OPCML: variants seen among roughly 807,000 people sequenced by gnomAD.
The protein encoded by OPCML is opioid binding protein/cell adhesion molecule like.
A neutral mutation model predicts 37.8 loss-of-function variants in OPCML; 13 were observed. The ratio of observed to expected loss-of-function variants is 0.34; its 90% CI spans 0.22 to 0.55. The LOEUF (loss-of-function observed/expected upper bound fraction) is 0.55. Ranked by LOEUF, OPCML falls within the 20% of genes least tolerant of loss-of-function variation. The pLI is 0.91. For missense variants in OPCML, 341 were observed against 435.6 expected (o/e 0.78, Z 1.93); for synonymous variants, 176 against 168.8 (o/e 1.04, Z -0.33).
intron 3 of OPCML, among the ~76,000 whole-genome samples, chr11:132,628,174 C>T (rs538035278): frequency 6.6e-6 from 1 of 151,962 alleles, no homozygotes; most frequent in Non-Finnish European, 1.5e-5. Context: ...ATGGTGTTAC[C>T]TTGGCGTAAG....
intron 1 of OPCML, among the ~76,000 whole-genome samples, chr11:133,289,646 A>G (rs1404685081): frequency 6.6e-6 from 1 of 151,442 alleles, no homozygotes; most frequent in Admixed American, 6.6e-5. Context: ...CGCTATTCCC[A>G]TCAGTACGGT....
chr11:133,484,117 GAT>G (rs201404090), intron 1 of OPCML, among the ~76,000 whole-genome samples: 1 of 110,868 alleles, frequency 9.0e-6, no homozygotes, highest in Non-Finnish European at 1.8e-5. Context: ...ATAGATGATA[GAT>G]AGATGATTGA....
At chr11:132,665,646 A>G (rs972632556) in intron 2 of OPCML, among the ~76,000 whole-genome samples, 1 of 152,166 alleles carries the variant, frequency 6.6e-6, no homozygotes, top group East Asian at 1.9e-4. Flanking sequence ...TATAAAAAGT[A>G]AGGGTGAGCA....
intron 1 of OPCML, among the ~76,000 whole-genome samples, chr11:133,293,855 A>T (rs1942549886): frequency 6.7e-6 from 1 of 149,772 alleles, no homozygotes; most frequent in African/African-American, 2.5e-5. Flanking sequence ...CTCTTTGAGC[A>T]TATTACCCTT....
At chr11:132,944,764 C>T (rs1031495868) in intron 1 of OPCML, among the ~76,000 whole-genome samples, 2 of 152,166 alleles carry the variant, frequency 1.3e-5, no homozygotes, top group Admixed American at 1.3e-4. Flanking sequence ...CCCCAGAGCT[C>T]CGCTTCCCTT....
At chr11:133,110,011 C>T (rs1332941010) in intron 1 of OPCML, among the ~76,000 whole-genome samples, 6 of 152,090 alleles carry the variant, frequency 3.9e-5, no homozygotes, top group East Asian at 1.9e-4. Context: ...CATTTTTGTT[C>T]GACAGGACTT....
chr11:133,214,227 T>C (rs925372195), intron 1 of OPCML, among the ~76,000 whole-genome samples: 1 of 152,236 alleles, frequency 6.6e-6, no homozygotes, highest in Non-Finnish European at 1.5e-5. Context: ...AAGGTTTTTT[T>C]AAATTCACAT....
chr11:132,732,742 G>A (rs1214100523), intron 2 of OPCML, among the ~76,000 whole-genome samples: 2 of 152,166 alleles, frequency 1.3e-5, no homozygotes, highest in African/African-American at 4.8e-5. Context: ...GAAAGCAGGA[G>A]ACAGAGAACA....
At chr11:132,806,527 G>A (rs1226234966) in intron 2 of OPCML, among the ~76,000 whole-genome samples, 1 of 152,084 alleles carries the variant, frequency 6.6e-6, no homozygotes, top group Non-Finnish European at 1.5e-5. Flanking sequence ...AATAGTGCAT[G>A]ATAAAAGAGC....
chr11:132,725,534 G>C (rs560152541), intron 2 of OPCML, among the ~76,000 whole-genome samples: 3 of 152,132 alleles, frequency 2.0e-5, no homozygotes, highest in African/African-American at 7.2e-5. Context: ...TCGACTCCTT[G>C]TTACTTATGC....
At position 132,784,453 on chromosome 11, in the gene OPCML, C is replaced by T. The variant is rs149605513; in HGVS notation, c.147-127134G>A. ...CTCTTTCCATTATAAAGCCCTTCCACTCCTCTGCCTGCCTTTGAGTCTCTG... is the reference window on the plus strand; with the variant it reads ...CTCTTTCCATTATAAAGCCCTTCCATTCCTCTGCCTGCCTTTGAGTCTCTG... On this transcript the variant is annotated intron_variant, in intron 2 of 7. Transcript: ENST00000524381. 5.3e-4 allele frequency among the ~76,000 whole-genome samples: 81 copies of T among 152,274 alleles called. 1 individual carries two copies. Among genetic ancestry groups the T allele is most frequent in the African/African-American group, 1.8e-3 (74 of 41,560 alleles).
Position 132,420,016 on chromosome 11 carries a change from CACT to C in OPCML, c.*174_*176del. ...ACCCTGCCCACCCCGCCCCCAACCC[CACT>C]CATTCAAGCTGGAAATAAAAGCAAA... On this transcript the variant is annotated 3_prime_UTR_variant, in exon 8 of 8. Transcript: ENST00000524381. The C allele has an allele frequency of 2.0e-6, 1 of 493,578 alleles. No individual in the cohort carries two copies. The highest frequency in any genetic ancestry group is 3.7e-6 in the Non-Finnish European group (1 of 272,668). 30.6% of individuals were successfully genotyped at this position (493,578 alleles called of 1,614,324 possible). A position where few individuals can be genotyped will look rare whatever the true frequency, so the allele number is the denominator to read the frequency against.
chr11:132,664,497 A>G (rs1054385981), intron 2 of OPCML, among the ~76,000 whole-genome samples: 1 of 152,192 alleles, frequency 6.6e-6, no homozygotes, highest in East Asian at 1.9e-4. Context: ...TTGAGAGTTA[A>G]TTGAATTTTT....
intron 1 of OPCML, among the ~76,000 whole-genome samples, chr11:133,037,051 A>C (rs1285754198): frequency 1.3e-5 from 2 of 152,106 alleles, no homozygotes; most frequent in Non-Finnish European, 2.9e-5. Context: ...GCCTGACCAC[A>C]CTGTATGGTC....
At chr11:133,082,943 G>A (rs562152560) in intron 1 of OPCML, among the ~76,000 whole-genome samples, 4 of 150,580 alleles carry the variant, frequency 2.7e-5, no homozygotes, top group African/African-American at 7.3e-5. Context: ...CGGACGTCGC[G>A]CCAGTGCCTC....
chr11:133,217,246 T>G (rs1243981192), intron 1 of OPCML, among the ~76,000 whole-genome samples: 1 of 152,208 alleles, frequency 6.6e-6, no homozygotes, highest in African/African-American at 2.4e-5. Context: ...CCTGGTCTGA[T>G]GCTCCAGTGC....
intron 1 of OPCML, among the ~76,000 whole-genome samples, chr11:133,042,285 A>G (rs1281581537): frequency 1.3e-5 from 2 of 152,210 alleles, no homozygotes; most frequent in African/African-American, 2.4e-5. Flanking sequence ...CTGGGAGCCT[A>G]ATGGATAGTA....
chr11:132,652,761 CCTTTCCTCCATGACTGTCCT>C (rs1941495007), intron 3 of OPCML, among the ~76,000 whole-genome samples: 2 of 152,190 alleles, frequency 1.3e-5, no homozygotes, highest in African/African-American at 4.8e-5. Flanking sequence ...CCCTCAGGGA[CCTTTCCTCCATGACTGTCCT>C]CTCCGAGTCA....
chr11:132,906,456 G>A (rs1289852930), intron 2 of OPCML, among the ~76,000 whole-genome samples: 1 of 152,286 alleles, frequency 6.6e-6, no homozygotes, highest in Non-Finnish European at 1.5e-5. Context: ...TTTTCTGGGG[G>A]ATCTCTGTGC....
Sources: gnomAD v4.1 joint callset for allele counts (sites outside exome capture counted in the v4.1 genomes callset) on GRCh38, gnomAD v4.1.1 for gene constraint, MANE v1.5 for transcripts, NCBI Gene and HGNC (gene_info 2026-07-23, HGNC 2026-07-21) for gene names.